The following VWA3B variants were observed in gnomAD, a reference collection of about 807,000 sequenced individuals.
VWA3B encodes von Willebrand factor A domain-containing protein 3B.
VWA3B carries 138 observed loss-of-function variants against 158.3 expected under a neutral mutation model. The ratio of observed to expected loss-of-function variants is 0.87; its 90% CI spans 0.76 to 1.00. The LOEUF (loss-of-function observed/expected upper bound fraction) is 1.00. Ranked by LOEUF, VWA3B falls within the 50% of genes least tolerant of loss-of-function variation. The pLI, the probability that VWA3B is intolerant of heterozygous loss-of-function variation, is 0.00. For missense variants in VWA3B, 1,555 were observed against 1,565.1 expected, an observed-to-expected ratio of 0.99 and a Z score of 0.11; for synonymous variants, 596 against 587.3, an observed-to-expected ratio of 1.01 and a Z score of -0.21.
At chr2:98,141,420 C>A (rs1439544863) in intron 7 of VWA3B, among the ~76,000 whole-genome samples, 2 of 152,074 alleles carry the variant, frequency 1.3e-5, no homozygotes, top group Admixed American at 6.5e-5. Context: ...AAAGGGGGAG[C>A]CAGTGCATTA....
chr2:98,166,692 C>G (rs987892883), intron 8 of VWA3B, among the ~76,000 whole-genome samples: 2 of 151,980 alleles, frequency 1.3e-5, no homozygotes, highest in Admixed American at 1.3e-4. Context: ...TGTGGTTAGT[C>G]TTAAGAGTTA....
intron 14 of VWA3B, among the ~76,000 whole-genome samples, chr2:98,221,496 A>G (rs896003355): frequency 2.6e-5 from 4 of 152,132 alleles, no homozygotes; most frequent in Admixed American, 2.0e-4. Flanking sequence ...GAAGCAAGTG[A>G]CTGTGCTCTG....
chr2:98,107,833 C>T (rs943004350), intron 2 of VWA3B, among the ~76,000 whole-genome samples: 7 of 151,682 alleles, frequency 4.6e-5, no homozygotes, highest in African/African-American at 1.7e-4. Flanking sequence ...GTTTGGTTTT[C>T]TCTATTGTTT....
At chr2:98,168,374 CAT>C (rs139181119) in intron 8 of VWA3B, among the ~76,000 whole-genome samples, 82 of 117,662 alleles carry the variant, frequency 7.0e-4, no homozygotes, top group African/African-American at 2.3e-3. Flanking sequence ...AATACACACA[CAT>C]ACACACACAC....
chr2:98,166,849 C>T (rs928940148), intron 8 of VWA3B, among the ~76,000 whole-genome samples: 2 of 140,184 alleles, frequency 1.4e-5, no homozygotes, highest in Non-Finnish European at 3.1e-5. Context: ...CAAAATAACT[C>T]TATGCAGAAA....
intron 20 of VWA3B, among the ~76,000 whole-genome samples, chr2:98,250,731 T>TA (rs1387353351): frequency 6.6e-6 from 1 of 152,026 alleles, no homozygotes; most frequent in Admixed American, 6.6e-5. Context: ...CAACAATAAT[T>TA]TATTGTACAT....
At chr2:98,209,810 C>T (rs1389652640) in intron 12 of VWA3B, among the ~76,000 whole-genome samples, 1 of 152,088 alleles carries the variant, frequency 6.6e-6, no homozygotes, top group Non-Finnish European at 1.5e-5. Flanking sequence ...TATCTTAGAC[C>T]ATTCGGTTAT....
intron 7 of VWA3B, among the ~76,000 whole-genome samples, chr2:98,161,845 T>C (rs1227312984): frequency 1.2e-4 from 18 of 152,114 alleles, no homozygotes; most frequent in Admixed American, 1.1e-3. Flanking sequence ...TAGCTGGGAT[T>C]ACAGGCACGG....
chr2:98,324,629 T>A, the VWA3B span, among the ~76,000 whole-genome samples: 1 of 152,240 alleles, frequency 6.6e-6, no homozygotes, highest in Non-Finnish European at 1.5e-5. Context: ...CTGAGGAATG[T>A]AACAGAATTC....
At chr2:98,184,822 G>T (rs908433477) in intron 9 of VWA3B, among the ~76,000 whole-genome samples, 1 of 152,300 alleles carries the variant, frequency 6.6e-6, no homozygotes, top group African/African-American at 2.4e-5. Flanking sequence ...CCTGTTTTCT[G>T]GTTCTTGACC....
intron 10 of VWA3B, among the ~76,000 whole-genome samples, chr2:98,188,459 G>C (rs1574029530): frequency 6.6e-6 from 1 of 152,058 alleles, no homozygotes; most frequent in Non-Finnish European, 1.5e-5. Context: ...CTCCTATCTA[G>C]CTAAACTTTT....
chr2:98,299,710 T>TG (rs1234172320), intron 24 of VWA3B, among the ~76,000 whole-genome samples: 1 of 152,212 alleles, frequency 6.6e-6, no homozygotes, highest in East Asian at 1.9e-4. Flanking sequence ...TTCTACGTCT[T>TG]GGTGACAGCC....
chr2:98,266,007 T>C (rs1471062795), intron 21 of VWA3B, among the ~76,000 whole-genome samples: 3 of 145,792 alleles, frequency 2.1e-5, no homozygotes, highest in African/African-American at 7.6e-5. Context: ...CTGTTCACTC[T>C]GATGGTAGTT....
At chr2:98,200,270 C>T (rs1250427930) in intron 12 of VWA3B, among the ~76,000 whole-genome samples, 1 of 152,042 alleles carries the variant, frequency 6.6e-6, no homozygotes, top group Non-Finnish European at 1.5e-5. Context: ...AGGCCAGGCA[C>T]GGTGGCTCAC....
At chr2:98,088,347 A>G (rs1300724846) in intron 1 of VWA3B, among the ~76,000 whole-genome samples, 1 of 152,182 alleles carries the variant, frequency 6.6e-6, no homozygotes, top group East Asian at 1.9e-4. Flanking sequence ...TGAACCTCCG[A>G]GCACATAGGA....
chr2:98,132,542 G>T (rs1361457551), intron 6 of VWA3B, among the ~76,000 whole-genome samples: 2 of 152,238 alleles, frequency 1.3e-5, no homozygotes, highest in Non-Finnish European at 2.9e-5. Flanking sequence ...ATAATGCTGA[G>T]TTGCTTCTGC....
At chr2:98,151,345 T>C (rs1573916365) in intron 7 of VWA3B, among the ~76,000 whole-genome samples, 1 of 152,214 alleles carries the variant, frequency 6.6e-6, no homozygotes, top group Admixed American at 6.5e-5. Context: ...CCTTTAGTGA[T>C]CCGCCTGCCT....
intron 7 of VWA3B, among the ~76,000 whole-genome samples, chr2:98,161,168 C>T (rs935004937): frequency 5.1e-4 from 77 of 152,260 alleles, no homozygotes; most frequent in African/African-American, 1.5e-3. Context: ...GAGGAAGGGG[C>T]TTTTCGGTGT....
intron 12 of VWA3B, among the ~76,000 whole-genome samples, chr2:98,196,997 G>A (rs1682105649): frequency 6.6e-6 from 1 of 152,112 alleles, no homozygotes; most frequent in South Asian, 2.1e-4. Context: ...GAGCTAAATT[G>A]CAGACTTTAT....
Sources: gnomAD v4.1 joint callset for allele counts (sites outside exome capture counted in the v4.1 genomes callset) on GRCh38, gnomAD v4.1.1 for gene constraint, MANE v1.5 for transcripts, NCBI Gene and HGNC (gene_info 2026-07-23, HGNC 2026-07-21) for gene names.